The following KLHL22 variants were observed in gnomAD, a reference collection of about 807,000 sequenced individuals.
KLHL22 encodes kelch-like protein 22.
Under a neutral mutation model 60.7 loss-of-function variants are expected in KLHL22, and 18 were observed. That is an observed-to-expected ratio of 0.30 (90% CI 0.20 to 0.44). KLHL22 has a LOEUF of 0.44. Among genes scored for constraint, KLHL22 ranks in the 20% least tolerant of loss-of-function variants. The pLI, the probability that KLHL22 is intolerant of heterozygous loss-of-function variation, is 1.00. For missense variants in KLHL22, 596 were observed against 852.3 expected (o/e 0.70, Z 3.74); for synonymous variants, 355 against 354.5 (o/e 1.00, Z -0.01).
At chr22:20,454,805 A>G (rs2053036968) in intron 5 of KLHL22, among the ~76,000 whole-genome samples, 3 of 152,080 alleles carry the variant, frequency 2.0e-5, no homozygotes, top group Non-Finnish European at 2.9e-5. Context: ...CTCTCCATCT[A>G]TTCACATCTT....
intron 5 of KLHL22, chr22:20,451,547 T>C: frequency 1.3e-6 from 2 of 1,597,182 alleles, no homozygotes; most frequent in East Asian, 2.2e-5. Context: ...CGTATTTATG[T>C]GGTGGGGAGA....
chr22:20,448,704 A>AC (rs1437334044), intron 5 of KLHL22, among the ~76,000 whole-genome samples: 1 of 152,082 alleles, frequency 6.6e-6, no homozygotes, highest in Non-Finnish European at 1.5e-5. Flanking sequence ...AGCTGGGATT[A>AC]CAGGCACGCA....
intron 4 of KLHL22, among the ~76,000 whole-genome samples, chr22:20,463,503 A>G (rs369715583): frequency 6.6e-6 from 1 of 152,348 alleles, no homozygotes; most frequent in East Asian, 1.9e-4. Context: ...ACCTTCTGCT[A>G]AGGGCCAGAA....
At position 20,444,854 on chromosome 22, in the gene KLHL22, G is replaced by A. The variant is rs553424785; in HGVS notation, c.1539+1589C>T. Among the ~76,000 whole-genome samples, 152 of 150,392 alleles carry A rather than the reference G, an allele frequency of 1.0e-3. 1 individual carries two copies. The highest frequency in any genetic ancestry group is 3.6e-3 in the African/African-American group (147 of 40,870). On this transcript the variant is annotated intron_variant, in intron 6 of 6. Coordinates refer to ENST00000328879, the MANE Select transcript of KLHL22 (RefSeq NM_032775.4). ...GGCTGGAGTGCAGTGGCACCATCAC[G>A]GTTCACTGCAGCCTCAACCTCCTGG...
At chr22:20,458,391 C>T (rs977168692) in intron 4 of KLHL22, among the ~76,000 whole-genome samples, 3 of 149,238 alleles carry the variant, frequency 2.0e-5, no homozygotes, top group Non-Finnish European at 4.4e-5. Flanking sequence ...AGTGATCCTA[C>T]CACCTCAGTC....
At chr22:20,461,410 A>G (rs2053152792) in intron 4 of KLHL22, among the ~76,000 whole-genome samples, 2 of 151,870 alleles carry the variant, frequency 1.3e-5, no homozygotes, top group Non-Finnish European at 2.9e-5. Flanking sequence ...AAAATTAGCC[A>G]GGCGTGGTGG....
In KLHL22 at chr22:20,495,394, C is replaced by T. The variant is rs2053752647; in HGVS notation, c.-34+366G>A. On this transcript the variant is annotated intron_variant, in intron 1 of 6. Coordinates refer to ENST00000328879, the MANE Select transcript of KLHL22 (RefSeq NM_032775.4). The surrounding 1 kb of genome is among the most constrained non-coding windows in gnomAD (Gnocchi z 4.6). The stretch of plus-strand genomic sequence containing the variant: ...CCGCCTGTTGCAAGGCCGCCCGCTC[C>T]AGCGCGGAGGGTCGCGGCCAGGAAG... Among the ~76,000 whole-genome samples the T allele has an allele frequency of 6.6e-6, 1 of 152,124 alleles. No individual in the cohort carries two copies. Among genetic ancestry groups the T allele is most frequent in the Admixed American group, 6.5e-5 (1 of 15,286 alleles).
chr22:20,486,166 C>CA (rs200248872), intron 2 of KLHL22, among the ~76,000 whole-genome samples: 15,156 of 82,370 alleles, frequency 0.18, 1,493 homozygotes, highest in East Asian at 0.53. Context: ...GATTCCGTCT[C>CA]AAAAAAAAAA....
At chr22:20,490,039 T>C (rs778847364) in intron 1 of KLHL22, among the ~76,000 whole-genome samples, 4 of 152,220 alleles carry the variant, frequency 2.6e-5, no homozygotes, top group Non-Finnish European at 4.4e-5. Context: ...AAATGCACTT[T>C]TGCCATGGAG....
chr22:20,448,999 C>T (rs1323797915), intron 5 of KLHL22, among the ~76,000 whole-genome samples: 1 of 152,138 alleles, frequency 6.6e-6, no homozygotes, highest in African/African-American at 2.4e-5. Flanking sequence ...ATCTATACAT[C>T]CTCTTCAGTG....
At position 20,471,421 on chromosome 22, in the gene KLHL22, T is replaced by C. The variant is rs2053325301; in HGVS notation, c.322A>G (p.Ile108Val). The C allele has an allele frequency of 1.2e-6, 2 of 1,614,142 alleles. No individual in the cohort carries two copies. The highest frequency in any genetic ancestry group is 1.7e-6 in the Non-Finnish European group (2 of 1,180,022). Residue 108 changes from isoleucine to valine, a missense_variant, in exon 3 of 7, where the codon ATA becomes GTA. Coordinates refer to ENST00000328879, the MANE Select transcript of KLHL22 (RefSeq NM_032775.4). ...YNAMCQILHF[I>V]YTSELELSLS... ...CTGAGCTCCAGCTCGGAGGTGTATA[T>C]GAAATGTAGGATTTGGCACATAGCA...
intron 5 of KLHL22, chr22:20,450,259 A>G: frequency 4.3e-6 from 4 of 922,246 alleles, no homozygotes; most frequent in South Asian, 1.3e-5. Flanking sequence ...TTTCCTGCCC[A>G]TGAGATTGTG....
At position 20,457,913 on chromosome 22, in the gene KLHL22, G is replaced by A; in HGVS notation, c.1200C>T (p.Tyr400=). The A allele has an allele frequency of 6.2e-7, 1 of 1,614,090 alleles. No homozygotes were observed. The highest frequency in any genetic ancestry group is 8.5e-7 in the Non-Finnish European group (1 of 1,180,014). The stretch of plus-strand genomic sequence containing the variant: ...AGTCACGGCCCGCCACAGCGTAGAT[G>A]TACCTGCCTACAACACACACGGACA... ...ADLSVCVVGR[Y]IYAVAGRDYH... The change falls in exon 5 of 7, where the codon TAC becomes TAT. Residue 400 remains tyrosine, a synonymous_variant. Coordinates refer to ENST00000328879, the MANE Select transcript of KLHL22 (RefSeq NM_032775.4).
chr22:20,473,334 C>T (rs77539215), intron 2 of KLHL22, among the ~76,000 whole-genome samples: 3,817 of 152,120 alleles, frequency 0.025, 163 homozygotes, highest in African/African-American at 0.087. Flanking sequence ...TCTGCTGGGC[C>T]GAAGAGGACC....
Position 20,464,934 on chromosome 22 carries a change from C to A in KLHL22, c.1036G>T (p.Val346Leu). Residue 346 changes from valine to leucine, a missense_variant, in exon 4 of 7, where the codon GTG (valine) becomes TTG (leucine). Physicochemically the swap from Val to Leu is conservative, Grantham distance 32. Coordinates refer to ENST00000328879, the MANE Select transcript of KLHL22 (RefSeq NM_032775.4). Reference sequence around the variant, plus strand: ...ATCAAGTATACGAAGTTGTTGAGCACCGCGATGCCCTGGTTGGACATGCGG... The same window carrying A: ...ATCAAGTATACGAAGTTGTTGAGCAACGCGATGCCCTGGTTGGACATGCGG... The part of the protein sequence containing the change: ...APRMSNQGIA[V>L]LNNFVYLIGG... 1 of 1,589,228 alleles carries A rather than the reference C, an allele frequency of 6.3e-7. No individual in the cohort carries two copies. Among genetic ancestry groups the A allele is most frequent in the Non-Finnish European group, 8.6e-7 (1 of 1,169,094 alleles).
intron 5 of KLHL22, among the ~76,000 whole-genome samples, chr22:20,448,084 C>T (rs1398255411): frequency 6.6e-6 from 1 of 152,180 alleles, no homozygotes. Context: ...TAATCCCTTC[C>T]TTAAGCCCTG....
chr22:20,454,720 T>C (rs893153836), intron 5 of KLHL22, among the ~76,000 whole-genome samples: 3 of 152,246 alleles, frequency 2.0e-5, no homozygotes, highest in African/African-American at 4.8e-5. Context: ...TATTAATATA[T>C]GTATTATTAA....
At chr22:20,489,833 C>T (rs1281811768) in intron 1 of KLHL22, 2 of 470,584 alleles carry the variant, frequency 4.3e-6, no homozygotes, top group African/African-American at 2.0e-5. Context: ...GGTGGCATTT[C>T]CAGGGCCTAC....
chr22:20,446,593 T>C lies in KLHL22; in HGVS notation c.1389A>G (p.Thr463=). 1.2e-6 allele frequency: 2 copies of C among 1,613,976 alleles called. No individual in the cohort carries two copies. The highest frequency in any genetic ancestry group is 1.7e-6 in the Non-Finnish European group (2 of 1,180,034). ...GRRGEDYLKE[T]HCYDPGSNTW... is the part of the protein sequence containing the mutation. ...TGTTGCTGCCTGGATCGTAGCAGTGTGTCTCTTTCAGGTAATCCTCCCCTC... is the reference window on the plus strand; with the variant it reads ...TGTTGCTGCCTGGATCGTAGCAGTGCGTCTCTTTCAGGTAATCCTCCCCTC... Residue 463 remains threonine, a synonymous_variant, in exon 6 of 7, where the codon ACA becomes ACG. Transcript: ENST00000328879.
Sources: gnomAD v4.1 joint callset for allele counts (sites outside exome capture counted in the v4.1 genomes callset) on GRCh38, gnomAD v4.1.1 for gene constraint, Gnocchi (gnomAD v3.1) non-coding constraint, MANE v1.5 for transcripts, NCBI Gene and HGNC (gene_info 2026-07-23, HGNC 2026-07-21) for gene names.